Variants in RMDN2 observed in about 807,000 individuals in gnomAD.
RMDN2 encodes the protein regulator of microtubule dynamics 2.
In RMDN2, 61 loss-of-function variants were observed where a neutral mutation model predicts 52.8. That is an observed-to-expected ratio of 1.16 (90% CI 0.94 to 1.43). The LOEUF is 1.43. Ranked by LOEUF, RMDN2 falls within the 40% of genes most tolerant of loss-of-function variation. The pLI is 0.00. For synonymous variants in RMDN2, 180 were observed against 153.1 expected (o/e 1.18, Z -1.30); for missense variants, 592 against 475.3 (o/e 1.25, Z -2.28).
intron 1 of RMDN2, among the ~76,000 whole-genome samples, chr2:37,928,149 C>G (rs1054555082): frequency 6.6e-6 from 1 of 152,196 alleles, no homozygotes; most frequent in Non-Finnish European, 1.5e-5. Context: ...CTCTTTGACA[C>G]TTAGGCCTGT....
chr2:37,929,181 G>A (rs1445588946), intron 1 of RMDN2, 81 bp from the exon 2 acceptor site: 6 of 811,710 alleles, frequency 7.4e-6, no homozygotes, highest in East Asian at 2.7e-5. Flanking sequence ...CTTGGCTTTT[G>A]TTGATTGAAA....
chr2:38,064,015 AATAT>A (rs1348731679), intron 10 of RMDN2, among the ~76,000 whole-genome samples: 1 of 152,160 alleles, frequency 6.6e-6, no homozygotes, highest in Non-Finnish European at 1.5e-5. Context: ...TACATACATA[AATAT>A]ATATCTATGA....
chr2:37,958,341 T>G (rs1186850982), intron 2 of RMDN2, among the ~76,000 whole-genome samples: 2 of 151,604 alleles, frequency 1.3e-5, no homozygotes, highest in Admixed American at 6.5e-5. Context: ...TTTGTAGTTC[T>G]TCTTGAAGAA....
At position 37,951,777 on chromosome 2, in the gene RMDN2, A is replaced by C. The variant is rs781175040; in HGVS notation, c.452+22048A>C. 3 of 1,613,258 alleles carry C rather than the reference A, an allele frequency of 1.9e-6. No individual in the cohort carries two copies. The Admixed American group carries it at 5.0e-5, about 27-fold the overall frequency. ...TCCTGAATATAACACTAAAAATTTT[A>C]AGAATTTTGAAACAAACACTACTTC... On this transcript the variant is annotated intron_variant, in intron 2 of 10. Coordinates refer to ENST00000354545, the MANE Select transcript of RMDN2 (RefSeq NM_001170791.3).
At chr2:37,980,378 G>A (rs368256668) in intron 4 of RMDN2, among the ~76,000 whole-genome samples, 1 of 151,948 alleles carries the variant, frequency 6.6e-6, no homozygotes, top group African/African-American at 2.4e-5. Flanking sequence ...ATCTCAGCAC[G>A]CTGCAACCTC....
chr2:38,065,239 T>C (rs1396169833), intron 10 of RMDN2, among the ~76,000 whole-genome samples: 2 of 151,996 alleles, frequency 1.3e-5, no homozygotes, highest in African/African-American at 4.8e-5. Flanking sequence ...AGCACTTACA[T>C]AAAGTAAAAC....
intron 5 of RMDN2, among the ~76,000 whole-genome samples, chr2:37,982,371 C>T (rs1027588213): frequency 4.6e-5 from 7 of 152,162 alleles, no homozygotes; most frequent in African/African-American, 1.7e-4. Flanking sequence ...CAAAGGGACA[C>T]ATGCCAAAAT....
At position 37,997,495 on chromosome 2, in the gene RMDN2, C is replaced by G. The variant is rs773515557; in HGVS notation, c.1025C>G (p.Ala342Gly). ...ATACCATCTTCAACTGTACAAGAAG[C>G]TTTACACAATTTCCTTAAGGTACAT... ...GKIPSSTVQE[A>G]LHNFLKAEEL... Residue 342 changes from alanine to glycine, a missense_variant, in exon 8 of 11, where the codon GCT (alanine) becomes GGT (glycine). Physicochemically the swap from Ala to Gly is moderately conservative, Grantham distance 60. Transcript: ENST00000354545. 59 of 1,610,670 alleles carry G rather than the reference C, an allele frequency of 3.7e-5. No individual in the cohort carries two copies. The highest frequency in any genetic ancestry group is 4.9e-5 in the Non-Finnish European group (58 of 1,177,008).
At chr2:38,064,222 G>A (rs908744395) in intron 10 of RMDN2, among the ~76,000 whole-genome samples, 6 of 152,114 alleles carry the variant, frequency 3.9e-5, no homozygotes, top group African/African-American at 7.2e-5. Context: ...ATTAGGGGCC[G>A]GGTGCATTGG....
intron 10 of RMDN2, among the ~76,000 whole-genome samples, chr2:38,010,177 C>T (rs1482318854): frequency 2.0e-5 from 3 of 152,184 alleles, no homozygotes; most frequent in Non-Finnish European, 2.9e-5. Flanking sequence ...CTTGAGGAGG[C>T]AGTCTGTCCA....
At chr2:38,018,533 A>G (rs1238185263), downstream of RMDN2, among the ~76,000 whole-genome samples, 1 of 152,224 alleles carries the variant, frequency 6.6e-6, no homozygotes, top group African/African-American at 2.4e-5. Context: ...ATCGAATAAC[A>G]TTTTGACATT....
At chr2:37,992,607 T>G (rs551836508) in intron 7 of RMDN2, among the ~76,000 whole-genome samples, 1 of 152,160 alleles carries the variant, frequency 6.6e-6, no homozygotes, top group Admixed American at 6.6e-5. Context: ...TCCTGGTAAT[T>G]TTTCTTCAGC....
At chr2:38,051,227 A>G (rs922453172) in intron 10 of RMDN2, among the ~76,000 whole-genome samples, 17 of 149,882 alleles carry the variant, frequency 1.1e-4, no homozygotes, top group African/African-American at 4.2e-4. Context: ...GAGTCATGCA[A>G]ATTCACCGTA....
intron 2 of RMDN2, among the ~76,000 whole-genome samples, chr2:37,944,551 C>G (rs1668066079): frequency 6.6e-6 from 1 of 152,172 alleles, no homozygotes; most frequent in East Asian, 1.9e-4. Flanking sequence ...CCTTTCACTT[C>G]TAATGTGTTT....
At chr2:37,961,549 A>C (rs1670241313) in intron 2 of RMDN2, among the ~76,000 whole-genome samples, 1 of 151,806 alleles carries the variant, frequency 6.6e-6, no homozygotes, top group Non-Finnish European at 1.5e-5. Context: ...CAGGTCATTT[A>C]TGTTCTTCCC....
rs187109381 is a variant in RMDN2, at chr2:37,977,224, G to C, written c.730+1910G>C. 9.1e-4 allele frequency among the ~76,000 whole-genome samples: 138 copies of C among 152,314 alleles called. 2 individuals carry two copies. The East Asian group carries it at 0.022, about 25-fold the overall frequency. The stretch of plus-strand genomic sequence containing the variant: ...GAATTTTTTAGTACAGAACAAAATG[G>C]AGTCTCCTATGTCTACTTCTTTCTA... On this transcript the variant is annotated intron_variant, in intron 4 of 10. Coordinates refer to ENST00000354545, the MANE Select transcript of RMDN2 (RefSeq NM_001170791.3).
At chr2:38,003,313 G>C (rs1180360872) in intron 8 of RMDN2, among the ~76,000 whole-genome samples, 1 of 152,168 alleles carries the variant, frequency 6.6e-6, no homozygotes, top group Admixed American at 6.5e-5. Flanking sequence ...AGCACTTTGG[G>C]AGGTCGAGGA....
rs1473786989 is a variant in RMDN2, at chr2:38,004,232, G to T, written c.1179+16G>T. 3 of 1,563,822 alleles carry T rather than the reference G, an allele frequency of 1.9e-6. No individual in the cohort carries two copies. The highest frequency in any genetic ancestry group is 2.6e-6 in the Non-Finnish European group (3 of 1,134,534). On this transcript the variant is annotated intron_variant, in intron 10 of 10. Coordinates refer to ENST00000354545, the MANE Select transcript of RMDN2 (RefSeq NM_001170791.3). The stretch of plus-strand genomic sequence containing the variant: ...TACCAAAGAGGTAAGTCCAGAAAGT[G>T]ACAGTGAGTGCTGTTGTCTTGTTAG...
chr2:38,042,221 A>G (rs561073655), intron 10 of RMDN2, among the ~76,000 whole-genome samples: 1 of 152,048 alleles, frequency 6.6e-6, no homozygotes, highest in East Asian at 1.9e-4. Flanking sequence ...TAAGTTATCA[A>G]ATGTGTAGGC....
Sources: gnomAD v4.1 joint callset for allele counts (sites outside exome capture counted in the v4.1 genomes callset) on GRCh38, gnomAD v4.1.1 for gene constraint, MANE v1.5 for transcripts, NCBI Gene and HGNC (gene_info 2026-07-23, HGNC 2026-07-21) for gene names.